The following RBFOX1 variants were observed in gnomAD, a reference collection of about 807,000 sequenced individuals.
RBFOX1 encodes RNA binding protein fox-1 homolog 1.
In RBFOX1, 8 loss-of-function variants were observed where a neutral mutation model predicts 57.7. That is an observed-to-expected ratio of 0.14 (90% confidence interval 0.08 to 0.25). The LOEUF (loss-of-function observed/expected upper bound fraction) is 0.25, where lower values mean the gene tolerates loss of function less well. Among genes scored for constraint, RBFOX1 ranks in the 10% least tolerant of loss-of-function variants. The pLI is 1.00. For missense variants in RBFOX1, 611 were observed against 548.5 expected, an observed-to-expected ratio of 1.11 and a Z score of -1.14; for synonymous variants, 326 against 222.4, an observed-to-expected ratio of 1.47 and a Z score of -4.15.
intron 4 of RBFOX1, among the ~76,000 whole-genome samples, chr16:7,510,483 G>A (rs2074737514): frequency 1.3e-5 from 1 of 74,110 alleles, no homozygotes; most frequent in Non-Finnish European, 3.3e-5. Flanking sequence ...GTGTGTATGT[G>A]TGTCTGTGTG....
intron 14 of RBFOX1, among the ~76,000 whole-genome samples, chr16:7,699,650 G>T (rs8051173): frequency 0.011 from 1,610 of 152,242 alleles, 35 homozygotes; most frequent in African/African-American, 0.038. Context: ...GTACAAAAAT[G>T]ATGTAAAATA....
chr16:6,762,641 C>T (rs959291476), intron 3 of RBFOX1, among the ~76,000 whole-genome samples: 5 of 152,080 alleles, frequency 3.3e-5, no homozygotes, highest in African/African-American at 4.8e-5. Flanking sequence ...AAATTTAGTC[C>T]TGGTAGAAGA....
intron 1 of RBFOX1, among the ~76,000 whole-genome samples, chr16:6,183,864 A>G (rs955841812): frequency 6.6e-6 from 1 of 152,152 alleles, no homozygotes; most frequent in Non-Finnish European, 1.5e-5. Context: ...AGGTCATAGT[A>G]TGGACCTGGG....
intron 1 of RBFOX1, among the ~76,000 whole-genome samples, chr16:5,302,133 AT>A (rs1272666313): frequency 6.6e-6 from 1 of 152,040 alleles, no homozygotes; most frequent in African/African-American, 2.4e-5. Flanking sequence ...ATTTCAATAT[AT>A]TGTCTTTTGG....
chr16:6,839,010 A>T (rs1425840458), intron 3 of RBFOX1, among the ~76,000 whole-genome samples: 1 of 151,544 alleles, frequency 6.6e-6, no homozygotes, highest in Non-Finnish European at 1.5e-5. Flanking sequence ...TTTGTGACCG[A>T]GTCTTGCTCT....
At chr16:7,687,221 G>A (rs991004456) in intron 14 of RBFOX1, among the ~76,000 whole-genome samples, 6 of 151,782 alleles carry the variant, frequency 4.0e-5, no homozygotes, top group Non-Finnish European at 2.9e-5. Context: ...AAAGTGACAG[G>A]GCAGGTAAAA....
chr16:5,970,380 C>CCCA lies in RBFOX1; in HGVS notation c.351+103046_351+103048dup, dbSNP rs534515562. 1.8e-4 allele frequency among the ~76,000 whole-genome samples: 28 copies of CCCA among 152,004 alleles called. No individual in the cohort carries two copies. The East Asian group carries it at 3.7e-3, about 20-fold the overall frequency. ...CGTGTTTCTGGTGGGGATTTGAAAC[C>CCCA]CCAGAGGGTGAGTGGCTTGCTTATG... On this transcript the variant is annotated intron_variant, in intron 4 of 19. Coordinates refer to the RBFOX1 transcript ENST00000641259.
At chr16:5,811,954 CT>C (rs1306285537) in intron 3 of RBFOX1, among the ~76,000 whole-genome samples, 1 of 152,170 alleles carries the variant, frequency 6.6e-6, no homozygotes, top group Non-Finnish European at 1.5e-5. Context: ...CTCCAGGGAA[CT>C]GCTAAAACTC....
intron 2 of RBFOX1, among the ~76,000 whole-genome samples, chr16:5,476,349 A>T (rs1043114541): frequency 2.0e-5 from 3 of 152,182 alleles, no homozygotes; most frequent in Non-Finnish European, 4.4e-5. Context: ...GACATTTCTT[A>T]TATGCTCCAA....
chr16:6,312,031 C>A (rs951854506), intron 1 of RBFOX1, among the ~76,000 whole-genome samples: 2 of 152,184 alleles, frequency 1.3e-5, no homozygotes, highest in African/African-American at 4.8e-5. Context: ...CAATCATAAT[C>A]CCTGATGTGA....
chr16:6,582,100 A>G (rs2097544536), intron 2 of RBFOX1, among the ~76,000 whole-genome samples: 1 of 152,182 alleles, frequency 6.6e-6, no homozygotes, highest in Non-Finnish European at 1.5e-5. Flanking sequence ...TGGGTTCAAA[A>G]TGGCAATAGC....
chr16:6,329,074 C>T (rs1008130340), intron 2 of RBFOX1, among the ~76,000 whole-genome samples: 2 of 152,072 alleles, frequency 1.3e-5, no homozygotes, highest in Non-Finnish European at 2.9e-5. Context: ...TACCCTTCCC[C>T]CTGAAGTTAA....
chr16:6,306,296 A>T lies in RBFOX1; in HGVS notation c.-126-10699A>T, dbSNP rs570615782. On this transcript the variant is annotated intron_variant, in intron 1 of 15. Coordinates refer to ENST00000550418, the MANE Select transcript of RBFOX1 (RefSeq NM_018723.4). The stretch of plus-strand genomic sequence containing the variant: ...GAGGCAGTATTTGAGCTGAGAGTTG[A>T]ATCATGGATGGAAACCACACAGGGG... Among the ~76,000 whole-genome samples the T allele has an allele frequency of 7.2e-4, 109 of 152,282 alleles. 1 individual carries two copies. Among genetic ancestry groups the T allele is most frequent in the African/African-American group, 2.6e-3 (106 of 41,566 alleles).
chr16:7,153,028 TTTTG>T (rs559436614), intron 4 of RBFOX1, among the ~76,000 whole-genome samples: 10 of 152,220 alleles, frequency 6.6e-5, no homozygotes, highest in African/African-American at 1.4e-4. Flanking sequence ...TAATATATTT[TTTTG>T]TTTGTCATTT....
At chr16:6,062,199 C>G (rs1158418426) in intron 1 of RBFOX1, among the ~76,000 whole-genome samples, 1 of 152,150 alleles carries the variant, frequency 6.6e-6, no homozygotes, top group African/African-American at 2.4e-5. Flanking sequence ...TTAAGAAGCT[C>G]TCTGAACTGT....
intron 4 of RBFOX1, among the ~76,000 whole-genome samples, chr16:7,134,597 C>T (rs569668905): frequency 8.5e-5 from 13 of 152,274 alleles, no homozygotes; most frequent in African/African-American, 3.1e-4. Flanking sequence ...ATTTCCCCTG[C>T]CTCCTCTCCC....
intron 3 of RBFOX1, among the ~76,000 whole-genome samples, chr16:6,718,750 G>A (rs2065336455): frequency 6.6e-6 from 1 of 152,178 alleles, no homozygotes; most frequent in African/African-American, 2.4e-5. Flanking sequence ...CATAGTAACA[G>A]CAAAATCCCA....
At chr16:6,879,954 T>A (rs72768899) in intron 3 of RBFOX1, among the ~76,000 whole-genome samples, 34,218 of 152,134 alleles carry the variant, frequency 0.22, 4,814 homozygotes, top group Admixed American at 0.36. Context: ...TTCTATCTGT[T>A]CAGTGGCATT....
intron 5 of RBFOX1, among the ~76,000 whole-genome samples, chr16:7,534,230 G>A (rs536153357): frequency 5.9e-5 from 9 of 151,552 alleles, no homozygotes; most frequent in Admixed American, 1.3e-4. Context: ...GGGATTACAG[G>A]CACCCATCAC....
Sources: gnomAD v4.1 joint callset for allele counts (sites outside exome capture counted in the v4.1 genomes callset) on GRCh38, gnomAD v4.1.1 for gene constraint, MANE v1.5 for transcripts, NCBI Gene and HGNC (gene_info 2026-07-23, HGNC 2026-07-21) for gene names.